Variants in MDGA2 observed in about 807,000 individuals in gnomAD.
MDGA2 encodes the protein MAM domain containing glycosylphosphatidylinositol anchor 2, also known as MAM domain-containing glycosylphosphatidylinositol anchor protein 2.
Under a neutral mutation model 117.8 loss-of-function variants are expected in MDGA2, and 40 were observed. The ratio of observed to expected loss-of-function variants is 0.34; its 90% CI spans 0.26 to 0.44. MDGA2 has a LOEUF of 0.44. MDGA2 is among the 20% of genes least tolerant of loss of function. The probability of loss-of-function intolerance (pLI) is 1.00; values close to 1 mark genes in which losing one functional copy is unlikely to be tolerated. For missense variants in MDGA2, 1,123 were observed against 1,250.6 expected, an observed-to-expected ratio of 0.90 and a Z score of 1.54; for synonymous variants, 452 against 439.0, an observed-to-expected ratio of 1.03 and a Z score of -0.37.
chr14:47,402,828 T>C (rs1178085285), intron 1 of MDGA2, among the ~76,000 whole-genome samples: 1 of 152,134 alleles, frequency 6.6e-6, no homozygotes, highest in Non-Finnish European at 1.5e-5. Flanking sequence ...TTAAGTATTA[T>C]AGTTAATTTT....
At chr14:47,335,742 A>ATC in intron 1 of MDGA2, among the ~76,000 whole-genome samples, 2 of 61,392 alleles carry the variant, frequency 3.3e-5, no homozygotes, top group East Asian at 7.0e-4. Context: ...TTTTATATAT[A>ATC]TATATACATA....
chr14:47,542,040 G>A (rs1895363324), intron 1 of MDGA2, among the ~76,000 whole-genome samples: 1 of 152,184 alleles, frequency 6.6e-6, no homozygotes, highest in Admixed American at 6.5e-5. Context: ...GAAAGAAGAA[G>A]AAACTGACTA....
intron 1 of MDGA2, among the ~76,000 whole-genome samples, chr14:47,304,474 C>A (rs1889379013): frequency 1.3e-5 from 2 of 151,966 alleles, no homozygotes; most frequent in Admixed American, 1.3e-4. Context: ...ATTGAGAAAC[C>A]ATTAATAAAG....
chr14:47,155,994 C>G (rs1684724855), intron 3 of MDGA2, among the ~76,000 whole-genome samples: 1 of 138,642 alleles, frequency 7.2e-6, no homozygotes, highest in South Asian at 2.4e-4. Flanking sequence ...ACTGCAACCT[C>G]CGCCTCCCAG....
At chr14:47,110,005 T>C (rs1352543683) in intron 5 of MDGA2, among the ~76,000 whole-genome samples, 1 of 152,134 alleles carries the variant, frequency 6.6e-6, no homozygotes, top group Non-Finnish European at 1.5e-5. Flanking sequence ...TGAAATAGTG[T>C]GACAGATGAT....
chr14:46,922,328 C>A lies in MDGA2; in HGVS notation c.2090-2168G>T, dbSNP rs146033476. ...GGTATTTAGTCAACACTTAAACAGC[C>A]ATTTAGCAGGACTGAGATGGGTAGC... On this transcript the variant is annotated intron_variant, in intron 9 of 16. Transcript: ENST00000399232. 1.0e-3 allele frequency among the ~76,000 whole-genome samples: 152 copies of A among 152,168 alleles called. 4 individuals carry two copies. In the East Asian group the frequency reaches 0.027, roughly 27 times the overall value.
intron 8 of MDGA2, among the ~76,000 whole-genome samples, chr14:47,012,742 A>G (rs12434407): frequency 0.4 from 60,588 of 151,918 alleles, 12,366 homozygotes; most frequent in African/African-American, 0.45. Flanking sequence ...ATATCTTGAC[A>G]GAGTTGGCAT....
intron 1 of MDGA2, among the ~76,000 whole-genome samples, chr14:47,525,331 G>C (rs1894949919): frequency 6.6e-6 from 1 of 152,048 alleles, no homozygotes; most frequent in Admixed American, 6.6e-5. Flanking sequence ...CTTGCCACTG[G>C]ATATTCTCTA....
chr14:47,226,481 G>C (rs1886507464), intron 2 of MDGA2, among the ~76,000 whole-genome samples: 1 of 151,906 alleles, frequency 6.6e-6, no homozygotes, highest in African/African-American at 2.4e-5. Context: ...TTTAACCTTT[G>C]AGGAATTTAT....
chr14:47,006,428 T>C (rs1360541560), intron 8 of MDGA2, among the ~76,000 whole-genome samples: 2 of 146,734 alleles, frequency 1.4e-5, no homozygotes, highest in African/African-American at 5.0e-5. Flanking sequence ...TTATATTATA[T>C]GTATATGTTT....
At chr14:47,641,658 T>C (rs1223031796) in intron 1 of MDGA2, among the ~76,000 whole-genome samples, 1 of 152,144 alleles carries the variant, frequency 6.6e-6, no homozygotes, top group East Asian at 1.9e-4. Flanking sequence ...AAAAAGCTGC[T>C]ATTTATCATA....
chr14:47,265,891 A>G (rs1389409553), intron 2 of MDGA2, among the ~76,000 whole-genome samples: 2 of 152,096 alleles, frequency 1.3e-5, no homozygotes, highest in African/African-American at 4.8e-5. Context: ...GCAAATCACA[A>G]ATCACAACAC....
intron 1 of MDGA2, among the ~76,000 whole-genome samples, chr14:47,505,614 CTA>C (rs1894494622): frequency 6.6e-6 from 1 of 152,110 alleles, no homozygotes; most frequent in African/African-American, 2.4e-5. Flanking sequence ...AAAAAATACA[CTA>C]TTTTTATGTC....
At chr14:47,636,435 C>G (rs1202478157) in intron 1 of MDGA2, among the ~76,000 whole-genome samples, 5 of 152,094 alleles carry the variant, frequency 3.3e-5, no homozygotes, top group African/African-American at 9.7e-5. Context: ...ATTGTTGTAG[C>G]TACAGAAAGC....
chr14:47,136,710 C>T (rs917286497), intron 4 of MDGA2, among the ~76,000 whole-genome samples: 1 of 152,098 alleles, frequency 6.6e-6, no homozygotes, highest in Admixed American at 6.6e-5. Context: ...ACTTCAAATT[C>T]TCTTCCCTAC....
intron 5 of MDGA2, 21 bp downstream of exon 5, chr14:47,131,693 C>A (rs1304609758): frequency 6.8e-7 from 1 of 1,473,848 alleles, no homozygotes; most frequent in Non-Finnish European, 9.2e-7. Flanking sequence ...ATACATGTAA[C>A]ATACAGAGAT....
intron 8 of MDGA2, among the ~76,000 whole-genome samples, chr14:47,015,831 A>G (rs773434426): frequency 2.1e-4 from 32 of 152,128 alleles, no homozygotes; most frequent in Admixed American, 1.0e-3. Context: ...AGGAGAAAAA[A>G]TAAACCCCCA....
intron 1 of MDGA2, among the ~76,000 whole-genome samples, chr14:47,613,302 C>T (rs1165315606): frequency 6.6e-6 from 1 of 152,080 alleles, no homozygotes; most frequent in African/African-American, 2.4e-5. Context: ...ATATCCTATT[C>T]AAATGAATTC....
chr14:47,360,481 A>G (rs948740340), intron 1 of MDGA2, among the ~76,000 whole-genome samples: 1 of 152,126 alleles, frequency 6.6e-6, no homozygotes, highest in Admixed American at 6.5e-5. Flanking sequence ...GTATATGAAA[A>G]GGTGCTTTCC....
Sources: gnomAD v4.1 joint callset for allele counts (sites outside exome capture counted in the v4.1 genomes callset) on GRCh38, gnomAD v4.1.1 for gene constraint, MANE v1.5 for transcripts, NCBI Gene and HGNC (gene_info 2026-07-23, HGNC 2026-07-21) for gene names.